LGR5: variants seen among roughly 807,000 people sequenced by gnomAD.
LGR5 encodes leucine rich repeat containing G protein-coupled receptor 5.
LGR5 carries 54 observed loss-of-function variants against 76.7 expected under a neutral mutation model. The observed-to-expected ratio is 0.70, with a 90% CI of 0.57 to 0.88. The LOEUF (loss-of-function observed/expected upper bound fraction) is 0.88. Ranked by LOEUF, LGR5 falls within the 40% of genes least tolerant of loss-of-function variation. The pLI, the probability that LGR5 is intolerant of heterozygous loss-of-function variation, is 0.00. For synonymous variants in LGR5, 406 were observed against 421.9 expected (o/e 0.96, Z 0.46); for missense variants, 1,078 against 1,073.3 (o/e 1.00, Z -0.06).
intron 2 of LGR5, among the ~76,000 whole-genome samples, chr12:71,514,115 A>G (rs1386971837): frequency 6.6e-6 from 1 of 152,100 alleles, no homozygotes; most frequent in African/African-American, 2.4e-5. Flanking sequence ...AAACAAACAA[A>G]CAAACAAAAA....
Position 71,584,774 on chromosome 12 carries a change from T to C in LGR5, c.*40T>C. ...AAAATGTTTTCAAAGGTTGAGAACC[T>C]GAAAATGTGAGATTGAGTATATCAG... On this transcript the variant is annotated 3_prime_UTR_variant, in exon 18 of 18. Coordinates refer to ENST00000266674, the MANE Select transcript of LGR5 (RefSeq NM_003667.4). The C allele has an allele frequency of 6.4e-7, 1 of 1,572,684 alleles. No homozygotes were observed. Among genetic ancestry groups the C allele is most frequent in the Non-Finnish European group, 8.7e-7 (1 of 1,154,372 alleles).
intron 1 of LGR5, among the ~76,000 whole-genome samples, chr12:71,455,421 T>G (rs1256299912): frequency 6.6e-6 from 1 of 152,032 alleles, no homozygotes; most frequent in Admixed American, 6.5e-5. Flanking sequence ...ATGGGAGGTT[T>G]CCACACACCC....
At chr12:71,571,438 G>C in intron 11 of LGR5, 76 bp from the exon 12 acceptor site, 2 of 1,107,612 alleles carry the variant, frequency 1.8e-6, no homozygotes, top group South Asian at 1.4e-5. Flanking sequence ...ATCTTGGAGG[G>C]AAAAGGAGAG....
intron 1 of LGR5, among the ~76,000 whole-genome samples, chr12:71,481,509 G>A (rs1873600581): frequency 6.6e-6 from 1 of 152,104 alleles, no homozygotes; most frequent in Admixed American, 6.5e-5. Flanking sequence ...ATGGGCATGT[G>A]GGTTGGTTCC....
At position 71,580,334 on chromosome 12, in the gene LGR5, C is replaced by T; in HGVS notation, c.1463C>T (p.Ala488Val). ...QCCAFGVCEN[A>V]YKISNQWNKG... ...TGTGCATTTGGAGTGTGTGAGAATGCCTATAAGATTTCTAATCAATGGAAT... is the reference window on the plus strand; with the variant it reads ...TGTGCATTTGGAGTGTGTGAGAATGTCTATAAGATTTCTAATCAATGGAAT... The change falls in exon 16 of 18, where the codon GCC (alanine) becomes GTC (valine). Residue 488 changes from alanine to valine, a missense_variant. Ala to Val is a moderately conservative substitution (Grantham distance 64). Coordinates refer to ENST00000266674, the MANE Select transcript of LGR5 (RefSeq NM_003667.4). 6.2e-7 allele frequency: 1 copy of T among 1,613,504 alleles called. No homozygotes were observed.
At chr12:71,503,656 T>G (rs1365968511) in intron 1 of LGR5, among the ~76,000 whole-genome samples, 1 of 152,194 alleles carries the variant, frequency 6.6e-6, no homozygotes, top group Admixed American at 6.5e-5. Flanking sequence ...TTCATTATCT[T>G]TTCTCAAGAT....
rs533248510 is a variant in LGR5, at chr12:71,495,080, G to C, written c.213-9534G>C. 9.0e-5 allele frequency among the ~76,000 whole-genome samples: 13 copies of C among 144,240 alleles called. No individual in the cohort carries two copies. The East Asian group carries it at 1.4e-3, about 15-fold the overall frequency. 94.6% of individuals were successfully genotyped at this position (144,240 alleles called of 152,430 possible). ...GGCCCAAGGATTTGGGGCGTAGTCG[G>C]GGGGGGTCTCCTTTGAATCCCACTT... On this transcript the variant is annotated intron_variant, in intron 1 of 17. Transcript: ENST00000266674.
At chr12:71,552,520 G>A (rs1041026200) in intron 4 of LGR5, among the ~76,000 whole-genome samples, 4 of 150,856 alleles carry the variant, frequency 2.7e-5, no homozygotes, top group Non-Finnish European at 5.9e-5. Flanking sequence ...AGCCGAGATC[G>A]CGCCATTGCA....
intron 8 of LGR5, among the ~76,000 whole-genome samples, chr12:71,562,256 C>T (rs1258984355): frequency 3.9e-5 from 6 of 152,082 alleles, no homozygotes; most frequent in African/African-American, 1.4e-4. Context: ...CAATAGACTC[C>T]AGCCTAAATT....
chr12:71,516,551 T>G (rs1875451557), intron 2 of LGR5, among the ~76,000 whole-genome samples: 1 of 152,142 alleles, frequency 6.6e-6, no homozygotes, highest in African/African-American at 2.4e-5. Flanking sequence ...TCTCCCTATG[T>G]TTAGAGAGGA....
chr12:71,493,785 T>TG (rs1555169377), intron 1 of LGR5, among the ~76,000 whole-genome samples: 1 of 148,804 alleles, frequency 6.7e-6, no homozygotes. Flanking sequence ...TTTTTTTTTT[T>TG]CGAGACAGGG....
intron 4 of LGR5, among the ~76,000 whole-genome samples, chr12:71,547,132 G>A (rs78272268): frequency 0.011 from 1,616 of 152,276 alleles, 23 homozygotes; most frequent in African/African-American, 0.036. Flanking sequence ...AGCCCTCTAA[G>A]TAACATTGCA....
At chr12:71,532,664 C>G (rs936632845) in intron 3 of LGR5, among the ~76,000 whole-genome samples, 2 of 152,116 alleles carry the variant, frequency 1.3e-5, no homozygotes, top group African/African-American at 4.8e-5. Context: ...ACCTTTTCAA[C>G]CAGATGATAT....
At chr12:71,576,093 G>T (rs1269938417) in intron 13 of LGR5, among the ~76,000 whole-genome samples, 1 of 152,110 alleles carries the variant, frequency 6.6e-6, no homozygotes, top group Non-Finnish European at 1.5e-5. Flanking sequence ...TATCAGGGTG[G>T]CAGGGGGAGG....
chr12:71,515,822 A>G (rs1875406298), intron 2 of LGR5, among the ~76,000 whole-genome samples: 1 of 152,242 alleles, frequency 6.6e-6, no homozygotes, highest in Non-Finnish European at 1.5e-5. Context: ...TTAAATCACA[A>G]GAATTATCAT....
chr12:71,505,815 G>A (rs984893440), intron 2 of LGR5, among the ~76,000 whole-genome samples: 1 of 152,142 alleles, frequency 6.6e-6, no homozygotes, highest in Non-Finnish European at 1.5e-5. Context: ...TTATGGTAGG[G>A]AATCTTAGAT....
At chr12:71,545,198 C>T (rs1438838010) in intron 4 of LGR5, among the ~76,000 whole-genome samples, 1 of 152,204 alleles carries the variant, frequency 6.6e-6, no homozygotes, top group African/African-American at 2.4e-5. Flanking sequence ...GTAGTCCTAA[C>T]ACTTTCGGAG....
intron 2 of LGR5, among the ~76,000 whole-genome samples, chr12:71,521,862 A>G (rs1875742951): frequency 6.6e-6 from 1 of 152,234 alleles, no homozygotes; most frequent in African/African-American, 2.4e-5. Context: ...ACAAGTACAC[A>G]CTATAACACA....
intron 13 of LGR5, among the ~76,000 whole-genome samples, chr12:71,575,888 C>T (rs890685745): frequency 6.6e-6 from 1 of 152,142 alleles, no homozygotes; most frequent in Non-Finnish European, 1.5e-5. Flanking sequence ...TATATATACA[C>T]CATGGAATAC....
Sources: gnomAD v4.1 joint callset for allele counts (sites outside exome capture counted in the v4.1 genomes callset) on GRCh38, gnomAD v4.1.1 for gene constraint, MANE v1.5 for transcripts, NCBI Gene and HGNC (gene_info 2026-07-23, HGNC 2026-07-21) for gene names.